Variants in PCNT observed in about 807,000 individuals in gnomAD.
The protein encoded by PCNT is pericentrin.
PCNT carries 319 observed loss-of-function variants against 380.4 expected under a neutral mutation model. The ratio of observed to expected loss-of-function variants is 0.84; its 90% CI spans 0.77 to 0.92. The LOEUF (loss-of-function observed/expected upper bound fraction) is 0.92. Ranked by LOEUF, PCNT falls within the 40% of genes least tolerant of loss-of-function variation. PCNT has a pLI of 0.00. For synonymous variants in PCNT, 1,845 were observed against 1,735.2 expected, an observed-to-expected ratio of 1.06 and a Z score of -1.57; for missense variants, 4,400 against 4,255.3, an observed-to-expected ratio of 1.03 and a Z score of -0.95.
In PCNT at chr21:46,411,886, A is replaced by C. The variant is rs2086799208; in HGVS notation, c.5813A>C (p.Gln1938Pro). The C allele has an allele frequency of 6.3e-7, 1 of 1,575,536 alleles. No homozygotes were observed. Among genetic ancestry groups the C allele is most frequent in the Non-Finnish European group, 8.6e-7 (1 of 1,168,400 alleles). Residue 1938 changes from glutamine to proline, a missense_variant, in exon 28 of 47, where the codon CAG becomes CCG. Transcript: ENST00000359568. Reference protein sequence around the residue: ...RLSRQLQVLHQRFLRCQVELD... With the variant: ...RLSRQLQVLHPRFLRCQVELD... ...AGCCGCCAGCTGCAGGTGCTGCACC[A>C]GCGGTTCCTGAGGTGCCAGGTGGAG...
chr21:46,358,418 T>C (rs997251197), intron 13 of PCNT, among the ~76,000 whole-genome samples: 1 of 152,226 alleles, frequency 6.6e-6, no homozygotes, highest in South Asian at 2.1e-4. Flanking sequence ...TCTGATCCCA[T>C]GCTGTTTGTT....
At chr21:46,327,155 G>A (rs2083421974) in intron 2 of PCNT, among the ~76,000 whole-genome samples, 1 of 151,686 alleles carries the variant, frequency 6.6e-6, no homozygotes, top group Non-Finnish European at 1.5e-5. Context: ...CCGCCTCCCG[G>A]GTTCATGCCA....
At chr21:46,387,122 C>T (rs1457873511) in intron 17 of PCNT, among the ~76,000 whole-genome samples, 1 of 152,338 alleles carries the variant, frequency 6.6e-6, no homozygotes, top group South Asian at 2.1e-4. Flanking sequence ...TGGAGACCAC[C>T]CAGGGTCCGG....
chr21:46,415,942 T>TA, intron 29 of PCNT, 127 bp from the exon 30 acceptor site: 1 of 822,192 alleles, frequency 1.2e-6, no homozygotes, highest in Non-Finnish European at 2.0e-6. Flanking sequence ...ACTTGAAATG[T>TA]GCAGGGCTCA....
At chr21:46,359,535 G>A (rs1380454046) in intron 13 of PCNT, among the ~76,000 whole-genome samples, 1 of 111,300 alleles carries the variant, frequency 9.0e-6, no homozygotes, top group African/African-American at 3.2e-5. Flanking sequence ...TATCGCCAGG[G>A]TGGAGTGTAG....
At chr21:46,424,177 C>CTA (rs537451629) in intron 32 of PCNT, among the ~76,000 whole-genome samples, 78 of 152,314 alleles carry the variant, frequency 5.1e-4, no homozygotes, top group African/African-American at 1.7e-3. Context: ...CCTGTGGTCC[C>CTA]TATGCTGAGG....
At position 46,429,099 on chromosome 21, in the gene PCNT, G is replaced by T. The variant is rs2087632492; in HGVS notation, c.7690+509G>T. On this transcript the variant is annotated intron_variant, in intron 35 of 46. Coordinates refer to ENST00000359568, the MANE Select transcript of PCNT (RefSeq NM_006031.6). ...ATGTGGGGTCAGGCGCCCTTGGTCA[G>T]CTTGGGCAAGTGCCCTCTGTTCCTA... Among the ~76,000 whole-genome samples the T allele has an allele frequency of 2.6e-5, 4 of 152,344 alleles. No individual in the cohort carries two copies. The South Asian group carries it at 8.3e-4, about 32-fold the overall frequency.
At chr21:46,345,094 T>C (rs2084024033) in intron 3 of PCNT, among the ~76,000 whole-genome samples, 1 of 152,230 alleles carries the variant, frequency 6.6e-6, no homozygotes, top group South Asian at 2.1e-4. Context: ...AGGCATTTTA[T>C]GCACATTTTC....
intron 17 of PCNT, 130 bp downstream of exon 17, chr21:46,386,113 G>C: frequency 9.4e-7 from 1 of 1,067,348 alleles, no homozygotes; most frequent in Non-Finnish European, 1.4e-6. Context: ...CCTGGTGGAC[G>C]GGGACCCGGC....
At position 46,431,767 on chromosome 21, in the gene PCNT, C is replaced by G. The variant is rs1556001291; in HGVS notation, c.8303C>G (p.Thr2768Ser). ...GCCTTGCGGCACGAGCGGCTCCTGACCGAGCAGCTGAGCCAGAGGACACAG... is the reference window on the plus strand; with the variant it reads ...GCCTTGCGGCACGAGCGGCTCCTGAGCGAGCAGCTGAGCCAGAGGACACAG... Reference protein sequence around the residue: ...SEALRHERLLTEQLSQRTQEA... With the variant: ...SEALRHERLLSEQLSQRTQEA... The change falls in exon 38 of 47, where the codon ACC becomes AGC. Residue 2768 changes from threonine (T) to serine (S), a missense_variant. By Grantham distance (58) the Thr-to-Ser change is moderately conservative (BLOSUM62 1). Coordinates refer to ENST00000359568, the MANE Select transcript of PCNT (RefSeq NM_006031.6). 10 of 1,612,924 alleles carry G rather than the reference C, an allele frequency of 6.2e-6. No individual in the cohort carries two copies. The South Asian group carries it at 1.1e-4, about 18-fold the overall frequency.
At chr21:46,377,735 C>G (rs1037191354) in intron 15 of PCNT, among the ~76,000 whole-genome samples, 1 of 152,118 alleles carries the variant, frequency 6.6e-6, no homozygotes, top group East Asian at 1.9e-4. Flanking sequence ...ATAGTTCCAG[C>G]TACTCAGAGG....
rs2087430281 is a variant in PCNT, at chr21:46,424,886, T to C, written c.7180-945T>C. ...TAAAAGTGTTTTCAGTTGTTAGAGA[T>C]GAACATAGTGTGCAATTTGGTTTCA... On this transcript the variant is annotated intron_variant, in intron 32 of 46. Coordinates refer to ENST00000359568, the MANE Select transcript of PCNT (RefSeq NM_006031.6). Among the ~76,000 whole-genome samples the C allele has an allele frequency of 2.6e-5, 4 of 152,184 alleles. No individual in the cohort carries two copies. The South Asian group carries it at 8.3e-4, about 32-fold the overall frequency.
At chr21:46,364,893 G>A (rs551328353) in intron 14 of PCNT, among the ~76,000 whole-genome samples, 59 of 152,356 alleles carry the variant, frequency 3.9e-4, no homozygotes, top group African/African-American at 1.3e-3. Flanking sequence ...GAACCAAGGA[G>A]GCCCTCAAGA....
At chr21:46,330,413 C>A (rs1307637227) in intron 2 of PCNT, among the ~76,000 whole-genome samples, 1 of 152,178 alleles carries the variant, frequency 6.6e-6, no homozygotes, top group Non-Finnish European at 1.5e-5. Context: ...GCCATCCCAC[C>A]TGGCTAAAAT....
chr21:46,365,477 G>T lies in PCNT; in HGVS notation c.2610-1107G>T, dbSNP rs867006644. ...CTGCCGTGGGGTTCTGTTCACTGCC[G>T]TGGGGTTCTGATCACTGCCGTGGGG... On this transcript the variant is annotated intron_variant, in intron 14 of 46. Transcript: ENST00000359568. 4.2e-4 allele frequency among the ~76,000 whole-genome samples: 43 copies of T among 101,766 alleles called. 1 individual carries two copies. The highest frequency in any genetic ancestry group is 3.5e-3 in the South Asian group (9 of 2,596). The allele number at this position is 101,766 out of a possible 152,430, so 66.8% of individuals were successfully genotyped here.
At chr21:46,426,588 T>G (rs953120719) in intron 33 of PCNT, among the ~76,000 whole-genome samples, 6 of 152,144 alleles carry the variant, frequency 3.9e-5, no homozygotes, top group Non-Finnish European at 8.8e-5. Flanking sequence ...CCTCTCCTCC[T>G]GCCACTCGGG....
At chr21:46,430,773 A>G (rs1833281898) in intron 37 of PCNT, 116 bp downstream of exon 37, 1 of 1,536,472 alleles carries the variant, frequency 6.5e-7, no homozygotes, top group South Asian at 1.2e-5. Context: ...CCCAGTTGAC[A>G]GCAGTGTGAC....
chr21:46,351,114 A>T (rs917576350), intron 8 of PCNT, among the ~76,000 whole-genome samples: 1 of 152,180 alleles, frequency 6.6e-6, no homozygotes, highest in African/African-American at 2.4e-5. Flanking sequence ...CGAAGCAGGG[A>T]GGTGCACAAG....
chr21:46,430,476 G>A (rs1296336598), intron 36 of PCNT, 31 bp from the exon 37 acceptor site: 2 of 1,549,192 alleles, frequency 1.3e-6, no homozygotes, highest in South Asian at 2.4e-5. Flanking sequence ...TGGCCCACGT[G>A]GTCAGATTGT....
Sources: allele counts gnomAD v4.1 joint callset (sites outside exome capture counted in the v4.1 genomes callset), GRCh38; gene constraint gnomAD v4.1.1; transcripts MANE v1.5; gene names NCBI Gene and HGNC (gene_info 2026-07-23, HGNC 2026-07-21).